CLINT1: variants seen among roughly 807,000 people sequenced by gnomAD.
The protein encoded by CLINT1 is clathrin interactor 1.
Under a neutral mutation model 70.4 loss-of-function variants are expected in CLINT1, and 15 were observed. The observed-to-expected ratio is 0.21, with a 90% CI of 0.14 to 0.33. CLINT1 has a LOEUF of 0.33. CLINT1 is among the 10% of genes least tolerant of loss of function. CLINT1 has a pLI of 1.00. For missense variants in CLINT1, 615 were observed against 778.1 expected (o/e 0.79, Z 2.49); for synonymous variants, 227 against 254.7 (o/e 0.89, Z 1.04).
intron 8 of CLINT1, among the ~76,000 whole-genome samples, chr5:157,799,627 G>A (rs576752556): frequency 6.6e-6 from 1 of 152,106 alleles, no homozygotes; most frequent in South Asian, 2.1e-4. Flanking sequence ...TTAAAGAGGT[G>A]AGATAAACTA....
rs1031054216 is a variant in CLINT1, at chr5:157,859,041, G to A, written c.-71C>T. On this transcript the variant is annotated 5_prime_UTR_variant, in exon 1 of 12. Transcript: ENST00000411809. ...ACGGACCCCGGAACACTTCCGTACC[G>A]GGGCAGTTCCAGGCCGGGGTCACCG... 14 of 1,570,052 alleles carry A rather than the reference G, an allele frequency of 8.9e-6. No homozygotes were observed. Among genetic ancestry groups the A allele is most frequent in the Admixed American group, 5.2e-5 (3 of 57,782 alleles).
At chr5:157,846,818 C>A (rs965221410) in intron 1 of CLINT1, among the ~76,000 whole-genome samples, 2 of 152,160 alleles carry the variant, frequency 1.3e-5, no homozygotes, top group African/African-American at 4.8e-5. Flanking sequence ...AAGAATTATG[C>A]TAAATCTACT....
chr5:157,793,069 T>A (rs1488314273), intron 9 of CLINT1, among the ~76,000 whole-genome samples: 2 of 152,240 alleles, frequency 1.3e-5, no homozygotes, highest in Non-Finnish European at 2.9e-5. Context: ...TCTTTAAAAT[T>A]ACATTCTTCT....
intron 8 of CLINT1, among the ~76,000 whole-genome samples, chr5:157,801,260 A>G (rs965480993): frequency 2.0e-5 from 3 of 151,530 alleles, no homozygotes; most frequent in Admixed American, 2.0e-4. Flanking sequence ...TAATCCCAGC[A>G]CTTTGGGAGG....
intron 1 of CLINT1, among the ~76,000 whole-genome samples, chr5:157,818,172 G>A (rs1482282909): frequency 6.6e-6 from 1 of 152,036 alleles, no homozygotes; most frequent in African/African-American, 2.4e-5. Flanking sequence ...ATTGTACGAT[G>A]GACACTTAAC....
At chr5:157,816,457 A>C (rs777845535) in intron 3 of CLINT1, among the ~76,000 whole-genome samples, 1 of 152,160 alleles carries the variant, frequency 6.6e-6, no homozygotes, top group Non-Finnish European at 1.5e-5. Context: ...CTACTCTACT[A>C]TAGATTCATT....
chr5:157,834,909 C>T (rs141478162), intron 1 of CLINT1, among the ~76,000 whole-genome samples: 84 of 152,200 alleles, frequency 5.5e-4, no homozygotes, highest in African/African-American at 2.0e-3. Flanking sequence ...TATTTATGGA[C>T]TCCATATACG....
At chr5:157,794,293 A>T (rs559250937) in intron 9 of CLINT1, among the ~76,000 whole-genome samples, 1 of 149,270 alleles carries the variant, frequency 6.7e-6, no homozygotes, top group East Asian at 1.9e-4. Flanking sequence ...AATATTAATT[A>T]AAAAAAAAAT....
chr5:157,831,676 C>T (rs1024416298), intron 1 of CLINT1, among the ~76,000 whole-genome samples: 1 of 150,216 alleles, frequency 6.7e-6, no homozygotes, highest in African/African-American at 2.4e-5. Context: ...TTATCAAGTC[C>T]CAAGAGTGAA....
At chr5:157,788,448 GAA>G (rs920974885) in intron 11 of CLINT1, among the ~76,000 whole-genome samples, 1 of 151,490 alleles carries the variant, frequency 6.6e-6, no homozygotes, top group Admixed American at 6.6e-5. Flanking sequence ...ATTCTATTAA[GAA>G]AAAAACAGAA....
intron 1 of CLINT1, among the ~76,000 whole-genome samples, chr5:157,837,938 C>G (rs1763484032): frequency 6.6e-6 from 1 of 151,968 alleles, no homozygotes; most frequent in Non-Finnish European, 1.5e-5. Context: ...TAATCCCAGC[C>G]ATCGCACAAG....
intron 6 of CLINT1, chr5:157,809,050 A>G (rs1444081605): frequency 6.6e-6 from 1 of 152,154 alleles, no homozygotes; most frequent in Non-Finnish European, 1.5e-5. Flanking sequence ...GTATGTCAAT[A>G]CTAATTGCAA....
intron 1 of CLINT1, among the ~76,000 whole-genome samples, chr5:157,828,081 A>T (rs966279893): frequency 6.6e-6 from 1 of 152,184 alleles, no homozygotes; most frequent in Admixed American, 6.5e-5. Flanking sequence ...TGTGTAAAGC[A>T]TTCAGTTTTC....
intron 1 of CLINT1, among the ~76,000 whole-genome samples, chr5:157,833,391 T>C (rs947690139): frequency 6.6e-6 from 1 of 151,704 alleles, no homozygotes; most frequent in African/African-American, 2.4e-5. Flanking sequence ...CTTAACAAGA[T>C]ATAAAAGGTC....
intron 1 of CLINT1, among the ~76,000 whole-genome samples, chr5:157,852,480 GAT>G (rs1753608077): frequency 6.6e-6 from 1 of 152,144 alleles, no homozygotes. Flanking sequence ...GTCTGACAAT[GAT>G]ATCTCTATTT....
rs1347928723 is a variant in CLINT1 at position 157,787,291 on chromosome 5, A to G, written c.*355T>C. 3 of 195,270 alleles carry G rather than the reference A, an allele frequency of 1.5e-5. No homozygotes were observed. Among genetic ancestry groups the G allele is most frequent in the African/African-American group, 7.1e-5 (3 of 42,538 alleles). 12.1% of individuals were successfully genotyped at this position (195,270 alleles called of 1,614,324 possible). On this transcript the variant is annotated 3_prime_UTR_variant, in exon 12 of 12. Transcript: ENST00000411809. ...GAAAAATCAAGTTCCTCAGGAAAAG[A>G]AAGTATAAAATTAGAGATTCAAACA...
intron 1 of CLINT1, among the ~76,000 whole-genome samples, chr5:157,828,927 TAAAAAAAAAAA>T (rs11379662): frequency 1.9e-5 from 2 of 103,366 alleles, no homozygotes; most frequent in African/African-American, 3.9e-5. Flanking sequence ...TGTCTCTACT[TAAAAAAAAAAA>T]AAAAAAAAAA....
chr5:157,821,285 T>C (rs1463354336), intron 1 of CLINT1, among the ~76,000 whole-genome samples: 3 of 152,198 alleles, frequency 2.0e-5, no homozygotes, highest in African/African-American at 7.2e-5. Flanking sequence ...ACCCACAAAA[T>C]ATCTAATGAT....
intron 1 of CLINT1, among the ~76,000 whole-genome samples, chr5:157,823,492 C>T (rs1381128879): frequency 6.6e-6 from 1 of 152,032 alleles, no homozygotes; most frequent in Non-Finnish European, 1.5e-5. Flanking sequence ...AAAATATATA[C>T]ATACAGACTA....
Sources: gnomAD v4.1 joint callset for allele counts (sites outside exome capture counted in the v4.1 genomes callset) on GRCh38, gnomAD v4.1.1 for gene constraint, MANE v1.5 for transcripts, NCBI Gene and HGNC (gene_info 2026-07-23, HGNC 2026-07-21) for gene names.